AFF2: variants seen among roughly 807,000 people sequenced by gnomAD.
The protein encoded by AFF2 is ALF transcription elongation factor 2, also known as AF4/FMR2 family member 2.
Under a neutral mutation model 76.9 loss-of-function variants are expected in AFF2, and 14 were observed. The ratio of observed to expected loss-of-function variants is 0.18; its 90% CI spans 0.12 to 0.28. The LOEUF is 0.28. Among genes scored for constraint, AFF2 ranks in the 10% least tolerant of loss-of-function variants. The pLI is 1.00. For synonymous variants in AFF2, 398 were observed against 366.7 expected, an observed-to-expected ratio of 1.09 and a Z score of -0.98; for missense variants, 868 against 1,001.1, an observed-to-expected ratio of 0.87 and a Z score of 1.79.
intron 4 of AFF2, among the ~76,000 whole-genome samples, chrX:148,813,801 T>G (rs979472880): frequency 2.7e-5 from 3 of 112,339 alleles, no homozygotes; most frequent in Non-Finnish European, 5.6e-5. Context: ...CAGCTTCTGT[T>G]GTTTCCTCAA....
At chrX:148,704,969 C>G (rs1444033536) in intron 3 of AFF2, among the ~76,000 whole-genome samples, 1 of 111,245 alleles carries the variant, frequency 9.0e-6, no homozygotes, top group Non-Finnish European at 1.9e-5. Context: ...GCCCGGCCCC[C>G]ATCTTCCTTT....
In AFF2 at chrX:148,667,623, C is replaced by T. The variant is rs1188443279; in HGVS notation, c.1041+4855C>T. On this transcript the variant is annotated intron_variant, in intron 3 of 20. Transcript: ENST00000370460. ...GAGGCATATCTCACATTATGGCAGA[C>T]AAGAGAGGAGAGCTTGTGCAGGGAA... Among the ~76,000 whole-genome samples the T allele has an allele frequency of 2.7e-5, 3 of 111,902 alleles. No individual in the cohort carries two copies. The East Asian group carries it at 8.4e-4, about 32-fold the overall frequency.
chrX:148,717,890 A>G (rs1557263509), intron 3 of AFF2, among the ~76,000 whole-genome samples: 1 of 111,532 alleles, frequency 9.0e-6, no homozygotes, highest in Non-Finnish European at 1.9e-5. Flanking sequence ...TGCAGTGATG[A>G]TGGTACTGGC....
intron 9 of AFF2, among the ~76,000 whole-genome samples, chrX:148,922,725 A>T (rs1309068203): frequency 9.0e-6 from 1 of 111,519 alleles, no homozygotes; most frequent in Non-Finnish European, 1.9e-5. Context: ...ATTAATGGTC[A>T]CTCATACATC....
At chrX:148,561,437 A>G (rs1441367509) in intron 1 of AFF2, among the ~76,000 whole-genome samples, 1 of 112,161 alleles carries the variant, frequency 8.9e-6, no homozygotes, top group Non-Finnish European at 1.9e-5. Flanking sequence ...TTACATAGAA[A>G]ACTCAAGAGC....
chrX:148,553,165 G>A (rs1345282629), intron 1 of AFF2, among the ~76,000 whole-genome samples: 10 of 111,656 alleles, frequency 9.0e-5, no homozygotes, highest in Admixed American at 2.8e-4. Flanking sequence ...TAAAATATAC[G>A]GGTATTCAGT....
chrX:148,766,203 C>G (rs1210560141), intron 3 of AFF2, among the ~76,000 whole-genome samples: 5 of 109,874 alleles, frequency 4.6e-5, no homozygotes, highest in Admixed American at 2.9e-4. Flanking sequence ...GATTTATAGT[C>G]CTTTGGGTAT....
intron 1 of AFF2, among the ~76,000 whole-genome samples, chrX:148,563,766 A>G (rs1156626496): frequency 3.6e-5 from 4 of 112,064 alleles, no homozygotes; most frequent in African/African-American, 6.5e-5. Context: ...ATTCATGTGT[A>G]GGATTTCTAA....
intron 3 of AFF2, among the ~76,000 whole-genome samples, chrX:148,782,948 A>G (rs781989989): frequency 2.7e-5 from 3 of 112,183 alleles, no homozygotes; most frequent in Non-Finnish European, 5.6e-5. Flanking sequence ...CCCAATCTGT[A>G]AAAATTAGCT....
intron 7 of AFF2, among the ~76,000 whole-genome samples, chrX:148,859,328 T>C (rs782330602): frequency 1.8e-5 from 2 of 110,014 alleles, no homozygotes; most frequent in South Asian, 7.7e-4. Flanking sequence ...GGAGTTTACC[T>C]ACGTAACAAA....
At chrX:148,789,803 A>G (rs1420966388) in intron 3 of AFF2, among the ~76,000 whole-genome samples, 1 of 111,951 alleles carries the variant, frequency 8.9e-6, no homozygotes, top group African/African-American at 3.2e-5. Context: ...TATAATCAAT[A>G]CATTTTATCT....
intron 3 of AFF2, among the ~76,000 whole-genome samples, chrX:148,794,596 T>C (rs1569555660): frequency 8.9e-6 from 1 of 112,103 alleles, no homozygotes; most frequent in Non-Finnish European, 1.9e-5. Flanking sequence ...TGAGTCATTG[T>C]AGAGGCAACA....
intron 10 of AFF2, 103 bp from the exon 11 acceptor site, chrX:148,955,500 C>A: frequency 1.2e-6 from 1 of 860,675 alleles, no homozygotes. Flanking sequence ...TGTGAACAGT[C>A]ACTTGACATC....
intron 10 of AFF2, 83 bp downstream of exon 10, chrX:148,953,822 C>A: frequency 1.4e-6 from 1 of 707,972 alleles, no homozygotes; most frequent in Non-Finnish European, 2.1e-6. Flanking sequence ...CAGACACACA[C>A]ACACACACAC....
intron 1 of AFF2, among the ~76,000 whole-genome samples, chrX:148,621,317 G>A (rs782475168): frequency 9.0e-6 from 1 of 111,185 alleles, no homozygotes; most frequent in South Asian, 3.7e-4. Flanking sequence ...CTAATTTTTG[G>A]TGGTCTTTTT....
intron 1 of AFF2, among the ~76,000 whole-genome samples, chrX:148,582,039 C>T (rs1177513890): frequency 9.0e-6 from 1 of 111,494 alleles, no homozygotes; most frequent in Admixed American, 9.5e-5. Context: ...AAATACAGGG[C>T]AGTTATTTTG....
rs2072429396 is a variant in AFF2, at chrX:148,983,960, A to AAAAAAAAAAAAAAAAAAAAAAAAAAAAG, written c.3623+3178_3623+3179insAAAAAAAAAAAAAAAAAAAGAAAAAAAA. On this transcript the variant is annotated intron_variant, in intron 19 of 20. Coordinates refer to ENST00000370460, the MANE Select transcript of AFF2 (RefSeq NM_002025.4). Reference sequence around the variant, plus strand: ...GGCACAGAGTGAAATAGACAAAAAAAAAAAAAAACTGCCCTCATCAAGGTC... The same window carrying AAAAAAAAAAAAAAAAAAAAAAAAAAAAG: ...GGCACAGAGTGAAATAGACAAAAAAAAAAAAAAAAAAAAAAAAAAAAAAAAAAGAAAAAAAACTGCCCTCATCAAGGTC... Among the ~76,000 whole-genome samples, 2 of 100,276 alleles carry AAAAAAAAAAAAAAAAAAAAAAAAAAAAG rather than the reference A, an allele frequency of 2.0e-5. 1 individual carries two copies. The highest frequency in any genetic ancestry group is 4.1e-5 in the Non-Finnish European group (2 of 49,369). 87.1% of individuals were successfully genotyped at this position (100,276 alleles called of 115,157 possible). A position where few individuals can be genotyped will look rare whatever the true frequency, so the allele number is the denominator to read the frequency against.
chrX:148,819,754 A>T (rs1293085332), intron 4 of AFF2, among the ~76,000 whole-genome samples: 3 of 111,857 alleles, frequency 2.7e-5, no homozygotes, highest in Non-Finnish European at 5.7e-5. Flanking sequence ...AGGTCAAAAA[A>T]ATTCTCCCAT....
chrX:148,682,567 T>G (rs2054561641), intron 3 of AFF2, among the ~76,000 whole-genome samples: 1 of 103,806 alleles, frequency 9.6e-6, no homozygotes, highest in Non-Finnish European at 2.0e-5. Flanking sequence ...TGTTTAAGGA[T>G]GGGTGGACAG....
Sources: gnomAD v4.1 joint callset for allele counts (sites outside exome capture counted in the v4.1 genomes callset) on GRCh38, gnomAD v4.1.1 for gene constraint, MANE v1.5 for transcripts, NCBI Gene and HGNC (gene_info 2026-07-23, HGNC 2026-07-21) for gene names.